DNAH1: variants seen among roughly 807,000 people sequenced by gnomAD.
DNAH1 encodes axonemal beta dynein heavy chain 1.
Under a neutral mutation model 484.3 loss-of-function variants are expected in DNAH1, and 327 were observed. The ratio of observed to expected loss-of-function variants is 0.68; its 90% CI spans 0.62 to 0.74. The LOEUF is 0.74. DNAH1 is among the 30% of genes least tolerant of loss of function. The pLI is 0.00. For synonymous variants in DNAH1, 2,192 were observed against 2,191.9 expected (o/e 1.00, Z 0.00); for missense variants, 5,052 against 5,546.8 (o/e 0.91, Z 2.83).
intron 34 of DNAH1, among the ~76,000 whole-genome samples, chr3:52,365,678 C>T (rs1703044267): frequency 6.6e-6 from 1 of 152,142 alleles, no homozygotes; most frequent in Non-Finnish European, 1.5e-5. Context: ...AGGAGGAGCT[C>T]CTCTGGGAAG....
intron 28 of DNAH1, 53 bp downstream of exon 28, chr3:52,360,477 C>T (rs1278963280): frequency 1.3e-6 from 2 of 1,496,730 alleles, no homozygotes; most frequent in African/African-American, 1.4e-5. Context: ...CTCTAGTTCT[C>T]TCTGGCCCAG....
In DNAH1 at chr3:52,395,272, C is replaced by T. The variant is rs1172452031; in HGVS notation, c.10969-36C>T. ...TCCCTTGCCCCGATCTCTCTGCAGC[C>T]CCAGGTGGTCTCAGCATCTCCCCCT... On this transcript the variant is annotated intron_variant, in intron 68 of 77. Transcript: ENST00000420323. The surrounding 1 kb of genome is among the most constrained non-coding windows in gnomAD (Gnocchi z 4.4). 1 of 1,604,592 alleles carries T rather than the reference C, an allele frequency of 6.2e-7. No individual in the cohort carries two copies. Among genetic ancestry groups the T allele is most frequent in the East Asian group, 2.2e-5 (1 of 44,568 alleles).
intron 48 of DNAH1, among the ~76,000 whole-genome samples, chr3:52,380,436 C>G (rs1042583620): frequency 1.4e-4 from 21 of 152,218 alleles, no homozygotes; most frequent in African/African-American, 5.1e-4. Context: ...GGGTCTCAGT[C>G]AGGACCCCAG....
intron 58 of DNAH1, 52 bp downstream of exon 58, chr3:52,388,661 G>A (rs766158597): frequency 1.2e-6 from 2 of 1,610,896 alleles, no homozygotes; most frequent in Admixed American, 3.3e-5. Flanking sequence ...CCAGACAGGG[G>A]CCAGAAAGGA....
chr3:52,339,861 C>G (rs1701871255), intron 8 of DNAH1, among the ~76,000 whole-genome samples: 1 of 150,312 alleles, frequency 6.7e-6, no homozygotes, highest in Admixed American at 6.6e-5. Context: ...GGATGTGGGT[C>G]CTCCAAGGTT....
rs778605677 is a variant in DNAH1, at chr3:52,395,650, G to A, written c.11231G>A (p.Arg3744His). ...CCAAGCTGGATGCCAGCCCTAGAAC[G>A]CCTCATCGAGCACATCAACCCCGAC... The part of the protein sequence containing the change: ...LAPSWMPALE[R>H]LIEHINPDKV... The change falls in exon 70 of 78, where the codon CGC becomes CAC. Residue 3744 changes from arginine (R) to histidine (H), a missense_variant. Around this residue, in one of 4 missense-constraint regions of DNAH1, gnomAD observed 853 missense variants for 899.0 expected, o/e 0.95. Coordinates refer to ENST00000420323, the MANE Select transcript of DNAH1 (RefSeq NM_015512.5). This position sits in a 1 kb window ranked among gnomAD's most constrained non-coding sequence, Gnocchi z 4.4. 25 of 1,613,688 alleles carry A rather than the reference G, an allele frequency of 1.5e-5. No homozygotes were observed. The highest frequency in any genetic ancestry group is 3.3e-5 in the Admixed American group (2 of 59,980).
At position 52,394,184 on chromosome 3, in the gene DNAH1, T is replaced by C. The variant is rs365357; in HGVS notation, c.10627-281T>C. On this transcript the variant is annotated intron_variant, in intron 66 of 77. Coordinates refer to ENST00000420323, the MANE Select transcript of DNAH1 (RefSeq NM_015512.5). ...ACTGTCAGAGCCCTAACTGCGTGCC[T>C]GGCACAGGACTCTGGCCTGGGAAGC... 3.6e-3 allele frequency among the ~76,000 whole-genome samples: 543 copies of C among 152,380 alleles called. 3 individuals are homozygous for C. Among genetic ancestry groups the C allele is most frequent in the Non-Finnish European group, 5.9e-3 (404 of 68,046 alleles).
At chr3:52,370,355 G>C (rs768939703) in intron 39 of DNAH1, 122 bp from the exon 40 acceptor site, 6 of 1,546,412 alleles carry the variant, frequency 3.9e-6, no homozygotes, top group Non-Finnish European at 5.3e-6. Context: ...AAGACCACCT[G>C]TCCAATTGGC....
At chr3:52,397,528 G>A (rs148358680) in intron 73 of DNAH1, among the ~76,000 whole-genome samples, 179 bp from the exon 74 acceptor site, 2 of 151,684 alleles carry the variant, frequency 1.3e-5, no homozygotes, top group African/African-American at 4.9e-5. Context: ...GGAAGCAAGG[G>A]CCACACCACA....
In DNAH1 at chr3:52,350,096, G is replaced by T; in HGVS notation, c.2634G>T (p.Leu878=). The T allele has an allele frequency of 1.2e-6, 2 of 1,611,712 alleles. No individual in the cohort carries two copies. The highest frequency in any genetic ancestry group is 1.7e-6 in the Non-Finnish European group (2 of 1,179,504). Residue 878 remains leucine (L), a synonymous_variant, in exon 15 of 78, where the codon CTG becomes CTT. Transcript: ENST00000420323. ...REWMKGIPER[L]VGLEERIVKV... Reference sequence around the variant, plus strand: ...GGATGAAGGGCATCCCGGAGAGGCTGGTGGGCCTGGAGGTGAGGCAGGCAC... The same window carrying T: ...GGATGAAGGGCATCCCGGAGAGGCTTGTGGGCCTGGAGGTGAGGCAGGCAC...
chr3:52,355,136 G>C lies in DNAH1; in HGVS notation c.3693+81G>C. 2.1e-6 allele frequency: 3 copies of C among 1,426,492 alleles called. No homozygotes were observed. The highest frequency in any genetic ancestry group is 2.9e-6 in the Non-Finnish European group (3 of 1,026,480). 88.4% of individuals were successfully genotyped at this position (1,426,492 alleles called of 1,614,324 possible). A position where few individuals can be genotyped will look rare whatever the true frequency, so the allele number is the denominator to read the frequency against. ...CCACAGGTGTCACTGATGGTCTCCG[G>C]GTGGGGTTCAAAGCATCGCAGTGCC... On this transcript the variant is annotated intron_variant, in intron 21 of 77. Coordinates refer to ENST00000420323, the MANE Select transcript of DNAH1 (RefSeq NM_015512.5). The surrounding 1 kb of genome is among the most constrained non-coding windows in gnomAD (Gnocchi z 4.5).
rs1355078221 is a variant in DNAH1 at position 52,361,509 on chromosome 3, G to A, written c.4875-152G>A. On this transcript the variant is annotated intron_variant, in intron 29 of 77. Coordinates refer to ENST00000420323, the MANE Select transcript of DNAH1 (RefSeq NM_015512.5). The surrounding 1 kb of genome is among the most constrained non-coding windows in gnomAD (Gnocchi z 5.6). ...TCACGGCTTGGTCCTGGGGGCATTG[G>A]GGTGGGGAGTGGCAGTGGGTTGAAG... Among the ~76,000 whole-genome samples the A allele has an allele frequency of 6.6e-6, 1 of 152,214 alleles. No individual in the cohort carries two copies. Among genetic ancestry groups the A allele is most frequent in the Non-Finnish European group, 1.5e-5 (1 of 68,040 alleles).
rs1011807595 is a variant in DNAH1, at chr3:52,381,474, T to G, written c.7609-166T>G. On this transcript the variant is annotated intron_variant, in intron 48 of 77. Transcript: ENST00000420323. The surrounding 1 kb of genome is among the most constrained non-coding windows in gnomAD (Gnocchi z 4.1). The stretch of plus-strand genomic sequence containing the variant: ...TTATCAGTGTCTGGGAATGTTCAGC[T>G]TGGGCTCGAGCCTGCAGGGGAAACA... Among the ~76,000 whole-genome samples, 1 of 152,028 alleles carries G rather than the reference T, an allele frequency of 6.6e-6. No homozygotes were observed. Among genetic ancestry groups the G allele is most frequent in the Non-Finnish European group, 1.5e-5 (1 of 68,000 alleles).
chr3:52,363,058 T>C lies in DNAH1; in HGVS notation c.5158T>C (p.Tyr1720His), dbSNP rs368992385. Residue 1720 changes from tyrosine to histidine, a missense_variant, in exon 32 of 78, where the codon TAT (tyrosine) becomes CAT (histidine). Transcript: ENST00000420323. ...DYAMITEISL[Y>H]SFGFNEASVL... ...CGCCATGATCACTGAGATCTCCCTCTATTCCTTTGGCTTTAATGAGGCCAG... is the reference window on the plus strand; with the variant it reads ...CGCCATGATCACTGAGATCTCCCTCCATTCCTTTGGCTTTAATGAGGCCAG... 3 of 1,613,892 alleles carry C rather than the reference T, an allele frequency of 1.9e-6. No homozygotes were observed. The African/African-American group carries it at 4.0e-5, about 22-fold the overall frequency.
At position 52,326,769 on chromosome 3, in the gene DNAH1, C is replaced by T; in HGVS notation, c.616C>T (p.Gln206Ter). 1.9e-6 allele frequency: 3 copies of T among 1,613,746 alleles called. No homozygotes were observed. The highest frequency in any genetic ancestry group is 2.5e-6 in the Non-Finnish European group (3 of 1,179,736). The change falls in exon 5 of 78, where the codon CAG becomes TAG. Residue 206 changes from glutamine (Q) to a stop codon, truncating the protein, a stop_gained. Transcript: ENST00000420323. LOFTEE classifies it high-confidence loss of function. ...GCAGTACCTGAGCCTGGACATTGAG[C>T]AGTTGCTGTTCAGCCAGGGCATCGA... is the stretch of plus-strand genomic sequence containing the variant. Reference protein sequence around the residue: ...KQQYLSLDIEQLLFSQGIDSN... With the variant: ...KQQYLSLDIE
chr3:52,366,859 G>A lies in DNAH1; in HGVS notation c.5737G>A (p.Gly1913Arg), dbSNP rs759559439. ...GTCCATCACGATGGGCCAGCTGTAC[G>A]GGGAGTTTGACCTCCTCACCCATGA... The part of the protein sequence containing the change: ...PKSITMGQLY[G>R]EFDLLTHEWT... Residue 1913 changes from glycine to arginine, a missense_variant, in exon 36 of 78, where the codon GGG becomes AGG. Transcript: ENST00000420323. 1.2e-6 allele frequency: 2 copies of A among 1,613,736 alleles called. No homozygotes were observed. The highest frequency in any genetic ancestry group is 1.7e-5 in the Admixed American group (1 of 60,012).
At position 52,351,832 on chromosome 3, in the gene DNAH1, C is replaced by T. The variant is rs542281246; in HGVS notation, c.2730-130C>T. 9 of 1,153,304 alleles carry T rather than the reference C, an allele frequency of 7.8e-6. No homozygotes were observed. The African/African-American group carries it at 1.4e-4, about 18-fold the overall frequency. 71.4% of individuals were successfully genotyped at this position (1,153,304 alleles called of 1,614,324 possible). On this transcript the variant is annotated intron_variant, in intron 16 of 77. Coordinates refer to ENST00000420323, the MANE Select transcript of DNAH1 (RefSeq NM_015512.5). Reference sequence around the variant, plus strand: ...GTCTGGCCCCAGGTAGCCTCCACAGCTGCCTGGATTTCCCCTGAACCCCTT... The same window carrying T: ...GTCTGGCCCCAGGTAGCCTCCACAGTTGCCTGGATTTCCCCTGAACCCCTT...
rs1386580445 is a variant in DNAH1 at position 52,358,034 on chromosome 3, G to A, written c.4086+31G>A. 6.6e-7 allele frequency: 1 copy of A among 1,518,102 alleles called. No homozygotes were observed. The highest frequency in any genetic ancestry group is 9.0e-7 in the Non-Finnish European group (1 of 1,116,120). The allele number at this position is 1,518,102 out of a possible 1,614,324, so 94.0% of individuals were successfully genotyped here. A position where few individuals can be genotyped will look rare whatever the true frequency, so the allele number is the denominator to read the frequency against. On this transcript the variant is annotated intron_variant, in intron 24 of 77. Coordinates refer to ENST00000420323, the MANE Select transcript of DNAH1 (RefSeq NM_015512.5). The surrounding 1 kb of genome is among the most constrained non-coding windows in gnomAD (Gnocchi z 4.2). ...CAGCTGGGCCCGGGGCTCAGGGCTG[G>A]GAGCATGGGGCATCTTCCCAGGGAG...
At position 52,357,687 on chromosome 3, in the gene DNAH1, A is replaced by G; in HGVS notation, c.3932A>G (p.Gln1311Arg). The G allele has an allele frequency of 6.3e-7, 1 of 1,592,262 alleles. No individual in the cohort carries two copies. Among genetic ancestry groups the G allele is most frequent in the South Asian group, 1.1e-5 (1 of 87,792 alleles). ...TGCAACAAGATTCTGGACCTGGTGC[A>G]GAAGGGCCTCAGCGAGTATCTGGAG... is the stretch of plus-strand genomic sequence containing the variant. ...RDCNKILDLV[Q>R]KGLSEYLETK... The change falls in exon 23 of 78, where the codon CAG (glutamine) becomes CGG (arginine). Residue 1311 changes from glutamine (Q) to arginine (R), a missense_variant. Around this residue, in one of 4 missense-constraint regions of DNAH1, gnomAD observed 2,929 missense variants for 3,409.4 expected, o/e 0.86. Transcript: ENST00000420323.
Sources: gnomAD v4.1 joint callset for allele counts (sites outside exome capture counted in the v4.1 genomes callset) on GRCh38, gnomAD v4.1.1 for gene constraint, gnomAD v4.1.1 regional missense constraint, Gnocchi (gnomAD v3.1) non-coding constraint, MANE v1.5 for transcripts, NCBI Gene and HGNC (gene_info 2026-07-23, HGNC 2026-07-21) for gene names.